Variants in PAPPA2 observed in about 807,000 individuals in gnomAD.
The protein encoded by PAPPA2 is pappalysin-2.
In PAPPA2, 86 loss-of-function variants were observed where a neutral mutation model predicts 176.4. The ratio of observed to expected loss-of-function variants is 0.49; its 90% confidence interval spans 0.41 to 0.58. PAPPA2 has a LOEUF of 0.58. Ranked by LOEUF, PAPPA2 falls within the 20% of genes least tolerant of loss-of-function variation. The pLI is 0.00. For synonymous variants in PAPPA2, 809 were observed against 852.2 expected, an observed-to-expected ratio of 0.95 and a Z score of 0.88; for missense variants, 2,073 against 2,256.9, an observed-to-expected ratio of 0.92 and a Z score of 1.65.
At chr1:176,727,445 T>C (rs1300958230) in intron 12 of PAPPA2, among the ~76,000 whole-genome samples, 1 of 152,078 alleles carries the variant, frequency 6.6e-6, no homozygotes, top group Non-Finnish European at 1.5e-5. Context: ...TTCAATACAG[T>C]GTGTTACCAG....
intron 15 of PAPPA2, 37 bp downstream of exon 15, chr1:176,765,874 C>T: frequency 1.9e-6 from 3 of 1,604,328 alleles, no homozygotes; most frequent in Non-Finnish European, 2.6e-6. Flanking sequence ...GACCAAGTTC[C>T]TGGGAAGGGG....
intron 4 of PAPPA2, among the ~76,000 whole-genome samples, chr1:176,686,917 A>C (rs1370482638): frequency 6.6e-6 from 1 of 152,204 alleles, no homozygotes; most frequent in African/African-American, 2.4e-5. Context: ...AAGTTCTTCT[A>C]GTTCTAGTCC....
intron 3 of PAPPA2, among the ~76,000 whole-genome samples, chr1:176,624,485 T>G (rs1655895993): frequency 6.6e-6 from 1 of 152,204 alleles, no homozygotes; most frequent in African/African-American, 2.4e-5. Flanking sequence ...GCATGCCGAT[T>G]TTGTCACCTT....
At chr1:176,831,641 G>A (rs991383760) in intron 21 of PAPPA2, among the ~76,000 whole-genome samples, 29 of 152,280 alleles carry the variant, frequency 1.9e-4, no homozygotes, top group African/African-American at 6.5e-4. Flanking sequence ...GTGTGTGCTT[G>A]CAGTGAGGTA....
In PAPPA2 at chr1:176,690,319, A is replaced by T; in HGVS notation, c.2320A>T (p.Thr774Ser). 1 of 1,614,110 alleles carries T rather than the reference A, an allele frequency of 6.2e-7. No individual in the cohort carries two copies. Among genetic ancestry groups the T allele is most frequent in the South Asian group, 1.1e-5 (1 of 91,072 alleles). Residue 774 changes from threonine to serine, a missense_variant, in exon 5 of 23, where the codon ACC (threonine) becomes TCC (serine). Thr to Ser is a moderately conservative substitution (Grantham distance 58). Around this residue, in one of 4 missense-constraint regions of PAPPA2, gnomAD observed 1,196 missense variants for 1,330.4 expected, o/e 0.90. Transcript: ENST00000367662. ...GGAAACGGGAGACCTCTGTGCCGAC[A>T]CCGCCCCCACTCCCAAGAGTGAGCT... ...SMETGDLCAD[T>S]APTPKSELCR...
At chr1:176,734,104 A>G (rs1444609304) in intron 12 of PAPPA2, among the ~76,000 whole-genome samples, 1 of 152,220 alleles carries the variant, frequency 6.6e-6, no homozygotes, top group East Asian at 1.9e-4. Flanking sequence ...GATGCAGCTG[A>G]CACATCACAG....
intron 1 of PAPPA2, among the ~76,000 whole-genome samples, chr1:176,545,415 AAAATAAAT>A (rs55993766): frequency 0.039 from 5,711 of 146,308 alleles, 108 homozygotes; most frequent in Middle Eastern, 0.056. Flanking sequence ...AACCTCAGAA[AAAATAAAT>A]AAATAAATAA....
At chr1:176,485,868 A>G (rs1652623596) in intron 1 of PAPPA2, among the ~76,000 whole-genome samples, 1 of 152,234 alleles carries the variant, frequency 6.6e-6, no homozygotes, top group Non-Finnish European at 1.5e-5. Flanking sequence ...CACAGAAAAG[A>G]AGTGAAAACT....
intron 3 of PAPPA2, among the ~76,000 whole-genome samples, chr1:176,602,633 C>T (rs1176300886): frequency 6.6e-6 from 1 of 151,884 alleles, no homozygotes; most frequent in African/African-American, 2.4e-5. Flanking sequence ...CCAAAAAAAA[C>T]ACACGCAGGG....
intron 1 of PAPPA2, among the ~76,000 whole-genome samples, chr1:176,473,879 T>C (rs568964113): frequency 3.9e-5 from 6 of 152,320 alleles, no homozygotes; most frequent in Admixed American, 2.0e-4. Context: ...TCTAATCTCA[T>C]TGTGTTTTAC....
intron 3 of PAPPA2, among the ~76,000 whole-genome samples, chr1:176,632,768 C>G (rs761909092): frequency 2.0e-5 from 3 of 152,178 alleles, no homozygotes; most frequent in Non-Finnish European, 4.4e-5. Context: ...TGAGTTGCCT[C>G]ACAGGGTCCT....
At chr1:176,739,813 C>G in intron 13 of PAPPA2, 52 bp downstream of exon 13, 1 of 1,598,932 alleles carries the variant, frequency 6.3e-7, no homozygotes, top group Non-Finnish European at 8.5e-7. Context: ...CCCGGTAGAC[C>G]CAGAAGTCAG....
chr1:176,597,208 A>G (rs1164757154), intron 3 of PAPPA2, among the ~76,000 whole-genome samples: 1 of 152,212 alleles, frequency 6.6e-6, no homozygotes, highest in East Asian at 1.9e-4. Flanking sequence ...CAAGTTACGC[A>G]AGTCACGTTC....
chr1:176,600,290 T>C (rs1391199923), intron 3 of PAPPA2, among the ~76,000 whole-genome samples: 1 of 152,180 alleles, frequency 6.6e-6, no homozygotes, highest in African/African-American at 2.4e-5. Context: ...CATAGAGATA[T>C]AGATCTTTGG....
chr1:176,802,418 G>T (rs1358964323), intron 21 of PAPPA2, among the ~76,000 whole-genome samples: 1 of 152,048 alleles, frequency 6.6e-6, no homozygotes, highest in Non-Finnish European at 1.5e-5. Context: ...ATGCTCTAGG[G>T]GCAAATTGGC....
chr1:176,835,417 G>C (rs548034028), intron 21 of PAPPA2, among the ~76,000 whole-genome samples: 4 of 152,350 alleles, frequency 2.6e-5, no homozygotes, highest in African/African-American at 9.6e-5. Context: ...TATATACCCA[G>C]TGGTGGGATT....
At chr1:176,470,882 A>G (rs1455418954) in intron 1 of PAPPA2, among the ~76,000 whole-genome samples, 2 of 149,614 alleles carry the variant, frequency 1.3e-5, no homozygotes, top group Admixed American at 1.3e-4. Flanking sequence ...TTTTTTTTTA[A>G]AGTTTTAGGT....
At chr1:176,618,363 C>T (rs973743179) in intron 3 of PAPPA2, among the ~76,000 whole-genome samples, 4 of 152,138 alleles carry the variant, frequency 2.6e-5, no homozygotes, top group African/African-American at 7.2e-5. Context: ...AGATGGGCCA[C>T]CATTGACCCA....
At chr1:176,740,596 C>T (rs976254073) in intron 14 of PAPPA2, among the ~76,000 whole-genome samples, 1 of 152,108 alleles carries the variant, frequency 6.6e-6, no homozygotes, top group Non-Finnish European at 1.5e-5. Context: ...GCAAGTTTAA[C>T]AATTGCTTGC....
Sources: gnomAD v4.1 joint callset for allele counts (sites outside exome capture counted in the v4.1 genomes callset) on GRCh38, gnomAD v4.1.1 for gene constraint, gnomAD v4.1.1 regional missense constraint, MANE v1.5 for transcripts, NCBI Gene and HGNC (gene_info 2026-07-23, HGNC 2026-07-21) for gene names.